PTBP1: variants seen among roughly 807,000 people sequenced by gnomAD.
PTBP1 encodes polypyrimidine tract-binding protein 1.
In PTBP1, 8 loss-of-function variants were observed where a neutral mutation model predicts 59.8. The ratio of observed to expected loss-of-function variants is 0.13; its 90% CI spans 0.08 to 0.24. The LOEUF is 0.24. Among genes scored for constraint, PTBP1 ranks in the 10% least tolerant of loss-of-function variants. PTBP1 has a pLI of 1.00. For synonymous variants in PTBP1, 490 were observed against 320.7 expected (o/e 1.53, Z -5.64); for missense variants, 686 against 767.0 (o/e 0.89, Z 1.25).
At chr19:810,454 T>C in intron 13 of PTBP1, 89 bp from the exon 14 acceptor site, 3 of 1,162,614 alleles carry the variant, frequency 2.6e-6, no homozygotes, top group South Asian at 1.4e-5. Flanking sequence ...CCGGCTACTC[T>C]GAAAACTAGT....
At chr19:800,659 G>A (rs1052773911) in intron 2 of PTBP1, among the ~76,000 whole-genome samples, 4 of 152,210 alleles carry the variant, frequency 2.6e-5, no homozygotes, top group Non-Finnish European at 5.9e-5. Flanking sequence ...CTGTCTTTAC[G>A]CGCTGCCTGC....
Position 810,745 on chromosome 19 carries a change from C to T in PTBP1, c.1593C>T (p.Val531=). ...AGATGGGCTCCGTGGAGGAGGCGGT[C>T]CAGGCCCTCATTGACCTGCACAACC... ...LIQMGSVEEA[V]QALIDLHNHD... The change falls in exon 15 of 15, where the codon GTC becomes GTT. Residue 531 remains valine, a synonymous_variant. Transcript: ENST00000356948. The T allele has an allele frequency of 6.2e-7, 1 of 1,608,152 alleles. No homozygotes were observed. The highest frequency in any genetic ancestry group is 8.5e-7 in the Non-Finnish European group (1 of 1,178,340).
Position 804,224 on chromosome 19 carries a change from T to C in PTBP1, c.288+16T>C. 1.9e-6 allele frequency: 3 copies of C among 1,606,560 alleles called. No homozygotes were observed. Among genetic ancestry groups the C allele is most frequent in the Non-Finnish European group, 2.6e-6 (3 of 1,174,916 alleles). ...GAAAAACCAGGTACCTGAGCCGCGTTTCTCCGGGGTGCTCACACCGTGCAG... is the reference window on the plus strand; with the variant it reads ...GAAAAACCAGGTACCTGAGCCGCGTCTCTCCGGGGTGCTCACACCGTGCAG... On this transcript the variant is annotated intron_variant, in intron 4 of 14. Coordinates refer to ENST00000356948, the MANE Select transcript of PTBP1 (RefSeq NM_002819.5).
intron 13 of PTBP1, among the ~76,000 whole-genome samples, chr19:809,209 A>G (rs2034731057): frequency 6.6e-6 from 1 of 151,844 alleles, no homozygotes; most frequent in Non-Finnish European, 1.5e-5. Flanking sequence ...GGGTTTCACC[A>G]TATTGGCCAG....
At chr19:799,290 A>G in intron 1 of PTBP1, 123 bp from the exon 2 acceptor site, 1 of 882,340 alleles carries the variant, frequency 1.1e-6, no homozygotes, top group East Asian at 2.4e-5. Context: ...GTGCAGCCAG[A>G]GGGAGCCCTG....
Position 811,904 on chromosome 19 carries a change from C to T in PTBP1, c.*1078C>T, listed in dbSNP as rs1219632534. On this transcript the variant is annotated 3_prime_UTR_variant, in exon 15 of 15. Coordinates refer to ENST00000356948, the MANE Select transcript of PTBP1 (RefSeq NM_002819.5). ...TTTTGCCTGCCTCTGATGCTGGGAC[C>T]CGGAAGGCGGGCGCTCCTCCTGTCT... 7.0e-6 allele frequency: 1 copy of T among 142,464 alleles called. No homozygotes were observed. Among genetic ancestry groups the T allele is most frequent in the Non-Finnish European group, 1.6e-5 (1 of 63,900 alleles). 8.8% of individuals were successfully genotyped at this position (142,464 alleles called of 1,614,324 possible).
In PTBP1 at chr19:811,938, C is replaced by T. The variant is rs1298534638; in HGVS notation, c.*1112C>T. 2.6e-5 allele frequency: 4 copies of T among 152,448 alleles called. No individual in the cohort carries two copies. Among genetic ancestry groups the T allele is most frequent in the South Asian group, 4.1e-4 (2 of 4,836 alleles). The allele number at this position is 152,448 out of a possible 1,614,324, so 9.4% of individuals were successfully genotyped here. On this transcript the variant is annotated 3_prime_UTR_variant, in exon 15 of 15. Coordinates refer to ENST00000356948, the MANE Select transcript of PTBP1 (RefSeq NM_002819.5). ...GGGCGCTCCTCCTGTCTTCTCTGTG[C>T]TCTTTCTACCGCCCCCGCGTCCTGT...
Position 806,158 on chromosome 19 carries a change from C to A in PTBP1, c.971-250C>A, listed in dbSNP as rs952342083. 238 of 424,686 alleles carry A rather than the reference C, an allele frequency of 5.6e-4. 1 individual carries two copies. The highest frequency in any genetic ancestry group is 4.2e-3 in the African/African-American group (198 of 47,690). 26.3% of individuals were successfully genotyped at this position (424,686 alleles called of 1,614,324 possible). A position where few individuals can be genotyped will look rare whatever the true frequency, so the allele number is the denominator to read the frequency against. ...AGCCGGAGCTTTTCTGTGCTGTGGG[C>A]GGGGCGCATGCAGATGAGCCCAGGC... On this transcript the variant is annotated intron_variant, in intron 9 of 14. Coordinates refer to ENST00000356948, the MANE Select transcript of PTBP1 (RefSeq NM_002819.5).
chr19:805,745 TAGGAC>T, intron 9 of PTBP1, 176 bp downstream of exon 9: 1 of 633,640 alleles, frequency 1.6e-6, no homozygotes, highest in East Asian at 2.7e-5. Flanking sequence ...AGGGCAGTGG[TAGGAC>T]AGGGCTGTGG....
rs2034828625 is a variant in PTBP1, at chr19:810,814, G to C, written c.1662G>C (p.Lys554Asn). 6.3e-7 allele frequency: 1 copy of C among 1,581,764 alleles called. No homozygotes were observed. The highest frequency in any genetic ancestry group is 8.6e-7 in the Non-Finnish European group (1 of 1,168,766). Residue 554 changes from lysine to asparagine, a missense_variant, in exon 15 of 15, where the codon AAG (lysine) becomes AAC (asparagine). By Grantham distance (94) the Lys-to-Asn change is moderately conservative. Coordinates refer to ENST00000356948, the MANE Select transcript of PTBP1 (RefSeq NM_002819.5). ...ACCACCTGCGGGTCTCCTTCTCCAA[G>C]TCCACCATCTAGGGGCACAGGCCCC... ...ENHHLRVSFS[K>N]STI
Position 808,831 on chromosome 19 carries a change from G to A in PTBP1, c.1463+69G>A, listed in dbSNP as rs763034280. 97 of 1,432,320 alleles carry A rather than the reference G, an allele frequency of 6.8e-5. No individual in the cohort carries two copies. The highest frequency in any genetic ancestry group is 8.5e-5 in the African/African-American group (6 of 70,402). The allele number at this position is 1,432,320 out of a possible 1,614,324, so 88.7% of individuals were successfully genotyped here. On this transcript the variant is annotated intron_variant, in intron 13 of 14. Transcript: ENST00000356948. The surrounding 1 kb of genome is among the most constrained non-coding windows in gnomAD (Gnocchi z 4.7). ...GGGCTCTGCTTGGCTGTCCTACCGC[G>A]TCGGTGTGTGGACTTCTGGCGTTTC... is the stretch of plus-strand genomic sequence containing the variant.
Position 812,188 on chromosome 19 carries a change from C to T in PTBP1, c.*1362C>T, listed in dbSNP as rs1333421898. 4 of 152,434 alleles carry T rather than the reference C, an allele frequency of 2.6e-5. No individual in the cohort carries two copies. Among genetic ancestry groups the T allele is most frequent in the Non-Finnish European group, 4.4e-5 (3 of 68,080 alleles). The allele number at this position is 152,434 out of a possible 1,614,324, so 9.4% of individuals were successfully genotyped here. A position where few individuals can be genotyped will look rare whatever the true frequency, so the allele number is the denominator to read the frequency against. On this transcript the variant is annotated 3_prime_UTR_variant, in exon 15 of 15. Transcript: ENST00000356948. ...TTGCCTTACCCGATGGCTTGTGACGCGGAGAGAACCGATTAAAACCGTTTG... is the reference window on the plus strand; with the variant it reads ...TTGCCTTACCCGATGGCTTGTGACGTGGAGAGAACCGATTAAAACCGTTTG...
intron 2 of PTBP1, among the ~76,000 whole-genome samples, chr19:801,441 A>G (rs1372847574): frequency 2.6e-5 from 4 of 152,192 alleles, no homozygotes; most frequent in Admixed American, 2.6e-4. Flanking sequence ...TGCCCATGGG[A>G]ATGAGATTAG....
rs1374328547 is a variant in PTBP1 at position 810,757 on chromosome 19, T to C, written c.1605T>C (p.Ile535=). The change falls in exon 15 of 15, where the codon ATT becomes ATC. Residue 535 remains isoleucine, a synonymous_variant. Transcript: ENST00000356948. ...GSVEEAVQAL[I]DLHNHDLGEN... Reference sequence around the variant, plus strand: ...TGGAGGAGGCGGTCCAGGCCCTCATTGACCTGCACAACCACGACCTCGGGG... The same window carrying C: ...TGGAGGAGGCGGTCCAGGCCCTCATCGACCTGCACAACCACGACCTCGGGG... 2 of 1,607,104 alleles carry C rather than the reference T, an allele frequency of 1.2e-6. No individual in the cohort carries two copies. The highest frequency in any genetic ancestry group is 1.7e-6 in the Non-Finnish European group (2 of 1,177,962).
chr19:806,025 G>T, intron 9 of PTBP1: 2 of 239,362 alleles, frequency 8.4e-6, no homozygotes, highest in Non-Finnish European at 1.6e-5. Context: ...GGACGGAGCA[G>T]CGCGTGCCGC....
intron 1 of PTBP1, among the ~76,000 whole-genome samples, chr19:798,729 T>C (rs1315545986): frequency 6.6e-6 from 1 of 152,148 alleles, no homozygotes; most frequent in Non-Finnish European, 1.5e-5. Flanking sequence ...CGTGGGGAGC[T>C]CACTGTTGGG....
At chr19:798,583 C>T (rs556327632) in intron 1 of PTBP1, 8 of 152,390 alleles carry the variant, frequency 5.2e-5, no homozygotes, top group African/African-American at 1.7e-4. Flanking sequence ...GCTCCCCGCT[C>T]TCGGACCCAG....
In PTBP1 at chr19:799,463, C is replaced by T. The variant is rs141226222; in HGVS notation, c.39+20C>T. On this transcript the variant is annotated intron_variant, in intron 2 of 14. Transcript: ENST00000356948. ...ACAAAGGTAGGCACTTCTCACTTTG[C>T]TTCTCCGTGACGCTCCTCTGACCTT... is the stretch of plus-strand genomic sequence containing the variant. 1.2e-6 allele frequency: 2 copies of T among 1,612,888 alleles called. No homozygotes were observed. The highest frequency in any genetic ancestry group is 1.7e-6 in the Non-Finnish European group (2 of 1,179,068).
In PTBP1 at chr19:812,003, G is replaced by A. The variant is rs1251483155; in HGVS notation, c.*1177G>A. The A allele has an allele frequency of 1.3e-5, 2 of 152,398 alleles. No homozygotes were observed. Among genetic ancestry groups the A allele is most frequent in the African/African-American group, 4.8e-5 (2 of 41,432 alleles). 9.4% of individuals were successfully genotyped at this position (152,398 alleles called of 1,614,324 possible). A position where few individuals can be genotyped will look rare whatever the true frequency, so the allele number is the denominator to read the frequency against. On this transcript the variant is annotated 3_prime_UTR_variant, in exon 15 of 15. Coordinates refer to ENST00000356948, the MANE Select transcript of PTBP1 (RefSeq NM_002819.5). Reference sequence around the variant, plus strand: ...TAGGATCCCCTTTCCGTAAAAGCGTGTAACAAGGGTGTAAATATTTATAAT... The same window carrying A: ...TAGGATCCCCTTTCCGTAAAAGCGTATAACAAGGGTGTAAATATTTATAAT...
Sources: allele counts gnomAD v4.1 joint callset (sites outside exome capture counted in the v4.1 genomes callset), GRCh38; gene constraint gnomAD v4.1.1; non-coding constraint Gnocchi (gnomAD v3.1); transcripts MANE v1.5; gene names NCBI Gene and HGNC (gene_info 2026-07-23, HGNC 2026-07-21).